The following SLC18A1 variants were observed in gnomAD, a reference collection of about 807,000 sequenced individuals.
SLC18A1 encodes chromaffin granule amine transporter.
SLC18A1 carries 69 observed loss-of-function variants against 53.7 expected under a neutral mutation model. That is an observed-to-expected ratio of 1.28 (90% CI 1.06 to 1.57). SLC18A1 has a LOEUF of 1.57. Ranked by LOEUF, SLC18A1 falls within the 40% of genes most tolerant of loss-of-function variation. SLC18A1 has a pLI of 0.00. For missense variants in SLC18A1, 932 were observed against 668.1 expected, an observed-to-expected ratio of 1.40 and a Z score of -4.35; for synonymous variants, 320 against 248.1, an observed-to-expected ratio of 1.29 and a Z score of -2.72.
At chr8:20,157,505 T>C (rs1240682124) in intron 10 of SLC18A1, among the ~76,000 whole-genome samples, 6 of 152,050 alleles carry the variant, frequency 3.9e-5, no homozygotes, top group African/African-American at 1.2e-4. Flanking sequence ...TAAGGAAAAC[T>C]AGGAAGAAGG....
chr8:20,161,871 C>A (rs910933036), intron 10 of SLC18A1, among the ~76,000 whole-genome samples: 2 of 152,192 alleles, frequency 1.3e-5, no homozygotes, highest in Non-Finnish European at 2.9e-5. Flanking sequence ...TACCCAGCAG[C>A]AATCATGGGT....
At chr8:20,168,927 G>T (rs561773535) in intron 8 of SLC18A1, among the ~76,000 whole-genome samples, 1 of 152,280 alleles carries the variant, frequency 6.6e-6, no homozygotes, top group Admixed American at 6.5e-5. Flanking sequence ...GATTGGGTCA[G>T]TCAAGAATCA....
At position 20,145,810 on chromosome 8, in the gene SLC18A1, A is replaced by T. The variant is rs759186858; in HGVS notation, c.1531T>A (p.Phe511Ile). The part of the protein sequence containing the change: ...MYATQKPTKE[F>I]PLGEDSDEEP... Reference sequence around the variant, plus strand: ...TCATCACTGTCCTCCCCCAGAGGAAATTCCTTCGTGGGCTTCTGGGTTGCA... The same window carrying T: ...TCATCACTGTCCTCCCCCAGAGGAATTTCCTTCGTGGGCTTCTGGGTTGCA... Residue 511 changes from phenylalanine to isoleucine, a missense_variant, in exon 16 of 16, where the codon TTT becomes ATT. Physicochemically the swap from Phe to Ile is conservative, Grantham distance 21. Coordinates refer to ENST00000276373, the MANE Select transcript of SLC18A1 (RefSeq NM_003053.4). The T allele has an allele frequency of 6.2e-7, 1 of 1,612,254 alleles. No individual in the cohort carries two copies. The highest frequency in any genetic ancestry group is 1.1e-5 in the South Asian group (1 of 90,540).
At chr8:20,149,079 C>T (rs2071479009) in intron 12 of SLC18A1, among the ~76,000 whole-genome samples, 1 of 152,128 alleles carries the variant, frequency 6.6e-6, no homozygotes, top group Non-Finnish European at 1.5e-5. Context: ...GCCTTGTAGC[C>T]CTGTTCTTCT....
At chr8:20,155,328 G>C (rs2071655840) in intron 10 of SLC18A1, among the ~76,000 whole-genome samples, 1 of 152,206 alleles carries the variant, frequency 6.6e-6, no homozygotes, top group South Asian at 2.1e-4. Flanking sequence ...CCGAGCACCT[G>C]TCAGCCAGTT....
chr8:20,165,766 C>T (rs141145683), intron 8 of SLC18A1, among the ~76,000 whole-genome samples: 140 of 152,256 alleles, frequency 9.2e-4, no homozygotes, highest in Middle Eastern at 3.4e-3. Context: ...CTGAGCTTCT[C>T]CATAGTTCCA....
chr8:20,171,547 G>T, intron 6 of SLC18A1, 53 bp from the exon 7 acceptor site: 1 of 1,396,730 alleles, frequency 7.2e-7, no homozygotes, highest in Non-Finnish European at 1.0e-6. Flanking sequence ...GTCCTTTGCA[G>T]TGAGAATTAT....
intron 10 of SLC18A1, among the ~76,000 whole-genome samples, chr8:20,158,814 C>T (rs2071745054): frequency 6.6e-6 from 1 of 152,130 alleles, no homozygotes; most frequent in Non-Finnish European, 1.5e-5. Flanking sequence ...ACTCACAGTC[C>T]TGGACCTTAA....
intron 4 of SLC18A1, among the ~76,000 whole-genome samples, chr8:20,174,904 T>C (rs1366920415): frequency 6.6e-6 from 1 of 152,244 alleles, no homozygotes. Context: ...TCGAGGATTA[T>C]AGGAATTGGG....
intron 8 of SLC18A1, 89 bp from the exon 9 acceptor site, chr8:20,165,196 C>G (rs1475974075): frequency 1.3e-5 from 15 of 1,155,616 alleles, no homozygotes; most frequent in Non-Finnish European, 1.9e-5. Flanking sequence ...CAATTATGGG[C>G]TTAGAGACCA....
chr8:20,174,627 T>C (rs1056777007), intron 4 of SLC18A1, among the ~76,000 whole-genome samples, 183 bp from the exon 5 acceptor site: 1 of 152,186 alleles, frequency 6.6e-6, no homozygotes, highest in Non-Finnish European at 1.5e-5. Flanking sequence ...AGTTTTGCTA[T>C]TTAAATGGCA....
intron 12 of SLC18A1, 25 bp downstream of exon 12, chr8:20,149,651 C>G (rs1418477653): frequency 8.1e-6 from 13 of 1,597,826 alleles, no homozygotes; most frequent in Non-Finnish European, 9.4e-6. Flanking sequence ...TCTCCTTCCC[C>G]TCCCCCAGGT....
chr8:20,157,821 G>A (rs935576469), intron 10 of SLC18A1, among the ~76,000 whole-genome samples: 1 of 152,114 alleles, frequency 6.6e-6, no homozygotes, highest in African/African-American at 2.4e-5. Flanking sequence ...GAAAAAGAAG[G>A]CCACCCCTTT....
At chr8:20,155,551 A>G (rs2071662431) in intron 10 of SLC18A1, among the ~76,000 whole-genome samples, 1 of 152,176 alleles carries the variant, frequency 6.6e-6, no homozygotes, top group Admixed American at 6.5e-5. Context: ...CAAGATCATG[A>G]TGCAACCAGA....
chr8:20,179,317 T>C lies in SLC18A1; in HGVS notation c.292A>G (p.Ser98Gly). 6.2e-7 allele frequency: 1 copy of C among 1,614,120 alleles called. No individual in the cohort carries two copies. The highest frequency in any genetic ancestry group is 8.5e-7 in the Non-Finnish European group (1 of 1,180,024). The change falls in exon 3 of 16, where the codon AGT becomes GGT. Residue 98 changes from serine (S) to glycine (G), a missense_variant. Transcript: ENST00000276373. ...GTGTCATTCATCCATGCTATTCCAC[T>C]AGGTACGCTTTCTTCAACAGCCACG... ...NTVAVEESVP[S>G]GIAWMNDTAS...
chr8:20,171,894 A>G (rs2072130698), intron 6 of SLC18A1, among the ~76,000 whole-genome samples: 1 of 152,246 alleles, frequency 6.6e-6, no homozygotes, highest in African/African-American at 2.4e-5. Context: ...TGTGAAGAAC[A>G]CAGAGGTGTC....
intron 8 of SLC18A1, among the ~76,000 whole-genome samples, chr8:20,168,946 T>A (rs1240755703): frequency 1.3e-5 from 2 of 152,110 alleles, no homozygotes; most frequent in African/African-American, 4.8e-5. Context: ...CATCAATGGA[T>A]AACAAATCTA....
intron 8 of SLC18A1, among the ~76,000 whole-genome samples, chr8:20,166,910 A>G (rs984740641): frequency 2.6e-5 from 4 of 152,170 alleles, no homozygotes; most frequent in Non-Finnish European, 4.4e-5. Flanking sequence ...AGTAAAGGCC[A>G]TGTGAGGACG....
chr8:20,179,582 G>T, intron 2 of SLC18A1, 98 bp from the exon 3 acceptor site: 1 of 1,442,944 alleles, frequency 6.9e-7, no homozygotes, highest in Non-Finnish European at 9.4e-7. Context: ...TCTACTGAAA[G>T]TCAAGGAGGA....
Sources: allele counts gnomAD v4.1 joint callset (sites outside exome capture counted in the v4.1 genomes callset), GRCh38; gene constraint gnomAD v4.1.1; transcripts MANE v1.5; gene names NCBI Gene and HGNC (gene_info 2026-07-23, HGNC 2026-07-21).